The following MAP3K13 variants were observed in gnomAD, a reference collection of about 807,000 sequenced individuals.
The protein encoded by MAP3K13 is mitogen-activated protein kinase kinase kinase 13, also known as leucine zipper-bearing kinase.
MAP3K13 carries 52 observed loss-of-function variants against 104.0 expected under a neutral mutation model. That is an observed-to-expected ratio of 0.50 (90% CI 0.40 to 0.63). The LOEUF is 0.63. MAP3K13 is among the 20% of genes least tolerant of loss of function. The pLI is 0.00. For synonymous variants in MAP3K13, 394 were observed against 442.2 expected (o/e 0.89, Z 1.37); for missense variants, 914 against 1,218.5 (o/e 0.75, Z 3.72).
At chr3:185,343,776 G>A (rs542602327) in intron 2 of MAP3K13, among the ~76,000 whole-genome samples, 2 of 152,156 alleles carry the variant, frequency 1.3e-5, no homozygotes, top group South Asian at 4.2e-4. Context: ...ACTAGAAATG[G>A]AATAATAAAA....
At chr3:185,374,771 CAGTG>C (rs1202982856) in intron 1 of MAP3K13, among the ~76,000 whole-genome samples, 1 of 150,536 alleles carries the variant, frequency 6.6e-6, no homozygotes, top group African/African-American at 2.4e-5. Flanking sequence ...TTTTTTTTAG[CAGTG>C]AGTAAGTCAA....
chr3:185,377,715 G>A (rs1471333346), intron 1 of MAP3K13, among the ~76,000 whole-genome samples: 2 of 152,174 alleles, frequency 1.3e-5, no homozygotes, highest in Non-Finnish European at 2.9e-5. Flanking sequence ...TGATTAAGAA[G>A]GGGATGGACT....
chr3:185,468,501 G>A (rs1717588744), intron 10 of MAP3K13, among the ~76,000 whole-genome samples: 1 of 152,088 alleles, frequency 6.6e-6, no homozygotes, highest in Non-Finnish European at 1.5e-5. Context: ...ACAGAGGGTT[G>A]GCTCTCTCCT....
At position 185,483,571 on chromosome 3, in the gene MAP3K13, T is replaced by C; in HGVS notation, c.*1115T>C. On this transcript the variant is annotated 3_prime_UTR_variant, in exon 14 of 14. Coordinates refer to ENST00000265026, the MANE Select transcript of MAP3K13 (RefSeq NM_004721.5). Reference sequence around the variant, plus strand: ...GGAACCACCCCTCTCTGGAGCCAGGTTGCTTGTCTACTTGAGTCATATTGA... The same window carrying C: ...GGAACCACCCCTCTCTGGAGCCAGGCTGCTTGTCTACTTGAGTCATATTGA... 4.5e-6 allele frequency: 1 copy of C among 224,436 alleles called. No homozygotes were observed. The highest frequency in any genetic ancestry group is 2.2e-5 in the African/African-American group (1 of 44,956). 13.9% of individuals were successfully genotyped at this position (224,436 alleles called of 1,614,324 possible).
intron 7 of MAP3K13, among the ~76,000 whole-genome samples, chr3:185,455,725 G>GATATATATATGAGATATATATATC: frequency 6.5e-5 from 1 of 15,404 alleles, no homozygotes; most frequent in African/African-American, 1.4e-4. Flanking sequence ...AGATATATAT[G>GATATATATATGAGATATATATATC]ATATATATAT....
chr3:185,288,902 C>T (rs1237004491), intron 2 of MAP3K13, among the ~76,000 whole-genome samples: 1 of 152,070 alleles, frequency 6.6e-6, no homozygotes, highest in Non-Finnish European at 1.5e-5. Flanking sequence ...CCTAGCATTC[C>T]AATTGTTTAT....
chr3:185,424,637 C>A (rs1714313595), intron 1 of MAP3K13, among the ~76,000 whole-genome samples: 1 of 152,260 alleles, frequency 6.6e-6, no homozygotes, highest in Middle Eastern at 3.4e-3. Flanking sequence ...GGGAAATGAG[C>A]AAACACTACA....
chr3:185,475,580 G>A (rs182158652), intron 11 of MAP3K13, among the ~76,000 whole-genome samples: 6 of 152,182 alleles, frequency 3.9e-5, no homozygotes, highest in East Asian at 3.9e-4. Flanking sequence ...GGGTGGCCGC[G>A]GTGGCTCACA....
Position 185,418,223 on chromosome 3 carries a change from A to G in MAP3K13, c.-85-10274A>G, listed in dbSNP as rs1713906814. 1.2e-6 allele frequency: 2 copies of G among 1,610,580 alleles called. No individual in the cohort carries two copies. The highest frequency in any genetic ancestry group is 1.7e-5 in the Admixed American group (1 of 60,012). ...CCTTTGCCAGCTCTCATTCGCTGAG[A>G]GGCATAGACCTTTTCGATATCATTC... On this transcript the variant is annotated intron_variant, in intron 1 of 13. Coordinates refer to ENST00000265026, the MANE Select transcript of MAP3K13 (RefSeq NM_004721.5). The surrounding 1 kb of genome is among the most constrained non-coding windows in gnomAD (Gnocchi z 4.5).
At chr3:185,319,097 T>C (rs1237602043) in intron 2 of MAP3K13, among the ~76,000 whole-genome samples, 1 of 152,214 alleles carries the variant, frequency 6.6e-6, no homozygotes, top group Non-Finnish European at 1.5e-5. Context: ...AATCCTATTG[T>C]ATGTCTTTTT....
At chr3:185,301,361 A>G (rs1253944323) in intron 2 of MAP3K13, among the ~76,000 whole-genome samples, 2 of 151,338 alleles carry the variant, frequency 1.3e-5, no homozygotes, top group African/African-American at 4.9e-5. Flanking sequence ...TTATATTAAT[A>G]TATTCTGGAT....
At chr3:185,438,387 A>C (rs1715157664) in intron 3 of MAP3K13, among the ~76,000 whole-genome samples, 1 of 152,202 alleles carries the variant, frequency 6.6e-6, no homozygotes, top group Non-Finnish European at 1.5e-5. Flanking sequence ...TAGTAGATAC[A>C]TATTTTGTAT....
At chr3:185,461,592 C>T (rs916024965) in intron 7 of MAP3K13, among the ~76,000 whole-genome samples, 2 of 151,772 alleles carry the variant, frequency 1.3e-5, no homozygotes, top group African/African-American at 2.4e-5. Context: ...GATGGAGTTT[C>T]GCTCTTGTTG....
chr3:185,383,340 T>C (rs1449713043), intron 1 of MAP3K13, among the ~76,000 whole-genome samples: 1 of 152,124 alleles, frequency 6.6e-6, no homozygotes, highest in Non-Finnish European at 1.5e-5. Context: ...CATGTGTTTT[T>C]ATAACAGCAT....
intron 2 of MAP3K13, among the ~76,000 whole-genome samples, chr3:185,329,878 G>A (rs1042189982): frequency 1.4e-5 from 2 of 145,432 alleles, no homozygotes; most frequent in African/African-American, 2.5e-5. Context: ...ATAAAAGGTC[G>A]AATTAGCCAG....
At chr3:185,292,525 T>C in intron 2 of MAP3K13, 3 of 369,918 alleles carry the variant, frequency 8.1e-6, no homozygotes, top group Non-Finnish European at 7.5e-6. Flanking sequence ...ATAAAGTGAA[T>C]CTAACATTTT....
At chr3:185,348,024 A>AG (rs1186049116) in intron 2 of MAP3K13, among the ~76,000 whole-genome samples, 9 of 151,692 alleles carry the variant, frequency 5.9e-5, no homozygotes, top group African/African-American at 2.2e-4. Context: ...AAAAAAAAAA[A>AG]AAAGAAAGAA....
intron 2 of MAP3K13, among the ~76,000 whole-genome samples, chr3:185,306,405 T>C (rs2108682949): frequency 6.6e-6 from 1 of 152,354 alleles, no homozygotes. Context: ...CAACAGTGCA[T>C]AAGTATTCTC....
intron 1 of MAP3K13, among the ~76,000 whole-genome samples, chr3:185,393,378 C>T (rs934122161): frequency 4.6e-5 from 7 of 152,120 alleles, no homozygotes; most frequent in African/African-American, 9.7e-5. Context: ...AATTACATTC[C>T]GCCAGAAGGC....
Sources: gnomAD v4.1 joint callset for allele counts (sites outside exome capture counted in the v4.1 genomes callset) on GRCh38, gnomAD v4.1.1 for gene constraint, Gnocchi (gnomAD v3.1) non-coding constraint, MANE v1.5 for transcripts, NCBI Gene and HGNC (gene_info 2026-07-23, HGNC 2026-07-21) for gene names.